Variants in VEPH1 observed in about 807,000 individuals in gnomAD.
VEPH1 encodes the protein ventricular zone expressed PH domain containing 1.
A neutral mutation model predicts 85.2 loss-of-function variants in VEPH1; 80 were observed. That is an observed-to-expected ratio of 0.94 (90% CI 0.78 to 1.13). VEPH1 has a LOEUF of 1.13. Among genes scored for constraint, VEPH1 ranks in the 50% most tolerant of loss-of-function variants. VEPH1 has a pLI of 0.00. For missense variants in VEPH1, 955 were observed against 980.5 expected (o/e 0.97, Z 0.35); for synonymous variants, 297 against 348.0 (o/e 0.85, Z 1.63).
At chr3:157,328,648 C>T (rs1007335529) in intron 9 of VEPH1, among the ~76,000 whole-genome samples, 1 of 152,128 alleles carries the variant, frequency 6.6e-6, no homozygotes, top group Non-Finnish European at 1.5e-5. Flanking sequence ...AGTCCTAGGA[C>T]TGTTAAGATA....
chr3:157,363,141 G>A (rs1726230469), intron 9 of VEPH1, among the ~76,000 whole-genome samples: 1 of 149,922 alleles, frequency 6.7e-6, no homozygotes, highest in Admixed American at 6.7e-5. Context: ...CAAAGAGTCA[G>A]TGGACTTATG....
chr3:157,347,130 CT>C (rs1296731725), intron 9 of VEPH1, among the ~76,000 whole-genome samples: 1 of 151,934 alleles, frequency 6.6e-6, no homozygotes, highest in Non-Finnish European at 1.5e-5. Context: ...CAAAGGATAT[CT>C]ATATTTGTCT....
rs76666485 is a variant in VEPH1, at chr3:157,445,056, C to T, written c.529+15125G>A. On this transcript the variant is annotated intron_variant, in intron 4 of 13. Transcript: ENST00000362010. ...AGCCATATAACTATGTTCTGACCAA[C>T]GCTGAAATATTATATGTGATTCTTT... Among the ~76,000 whole-genome samples, 184 of 152,224 alleles carry T rather than the reference C, an allele frequency of 1.2e-3. No homozygotes were observed. In the East Asian group the frequency reaches 0.026, roughly 22 times the overall value.
At chr3:157,483,664 T>A (rs1471341077) in intron 2 of VEPH1, among the ~76,000 whole-genome samples, 2 of 151,992 alleles carry the variant, frequency 1.3e-5, no homozygotes, top group East Asian at 3.9e-4. Flanking sequence ...CTTAATGGAT[T>A]GGAAGATAGA....
In VEPH1 at chr3:157,364,375, G is replaced by T. The variant is rs780388247; in HGVS notation, c.1265C>A (p.Thr422Asn). 1 of 1,613,922 alleles carries T rather than the reference G, an allele frequency of 6.2e-7. No homozygotes were observed. Among genetic ancestry groups the T allele is most frequent in the Non-Finnish European group, 8.5e-7 (1 of 1,179,908 alleles). The stretch of plus-strand genomic sequence containing the variant: ...ACTATATCTTCTGATAGAGCCAGGG[G>T]TATTGCTCCCTGCATTTATCTTGTC... ...FEDKINAGSN[T>N]PGSIRRYSLG... Residue 422 changes from threonine (T) to asparagine (N), a missense_variant, in exon 8 of 14, where the codon ACC becomes AAC. Thr to Asn is a moderately conservative substitution (Grantham distance 65, BLOSUM62 0). Transcript: ENST00000362010.
chr3:157,283,111 C>T (rs1315479697), intron 12 of VEPH1, among the ~76,000 whole-genome samples: 1 of 152,154 alleles, frequency 6.6e-6, no homozygotes, highest in Non-Finnish European at 1.5e-5. Flanking sequence ...AAGTAGATCA[C>T]TTCTAAAAAA....
At chr3:157,438,553 G>T (rs1321461224) in intron 4 of VEPH1, among the ~76,000 whole-genome samples, 1 of 152,140 alleles carries the variant, frequency 6.6e-6, no homozygotes. Context: ...AGGGGAGGTC[G>T]GAGGGTGTGC....
chr3:157,305,908 A>T (rs958335089), intron 11 of VEPH1, among the ~76,000 whole-genome samples: 5 of 152,204 alleles, frequency 3.3e-5, no homozygotes, highest in Non-Finnish European at 7.4e-5. Context: ...TCATGAACTT[A>T]TAGTAGTAGC....
chr3:157,418,576 T>C (rs2109059724), intron 5 of VEPH1, among the ~76,000 whole-genome samples: 1 of 152,278 alleles, frequency 6.6e-6, no homozygotes, highest in East Asian at 1.9e-4. Context: ...TAAATTCCCA[T>C]TCGCAATTGC....
intron 6 of VEPH1, among the ~76,000 whole-genome samples, chr3:157,390,304 G>A (rs1250168185): frequency 1.3e-5 from 2 of 152,188 alleles, no homozygotes; most frequent in Admixed American, 1.3e-4. Context: ...CAATCCCATA[G>A]AATGAGAATC....
At chr3:157,289,871 T>C (rs1717261477) in intron 11 of VEPH1, among the ~76,000 whole-genome samples, 1 of 152,212 alleles carries the variant, frequency 6.6e-6, no homozygotes, top group Admixed American at 6.5e-5. Context: ...TCTAATGGGA[T>C]TGTGGCAGAC....
intron 13 of VEPH1, 82 bp from the exon 14 acceptor site, chr3:157,261,452 G>C (rs1712889960): frequency 1.9e-6 from 3 of 1,553,414 alleles, no homozygotes; most frequent in Non-Finnish European, 2.6e-6. Flanking sequence ...CTTTCTAAGA[G>C]GGCCAGAATC....
chr3:157,503,539 A>G (rs894643), upstream of VEPH1: 125,165 of 152,238 alleles, frequency 0.82, 52,151 homozygotes, highest in East Asian at 1. Context: ...CTAACAATTG[A>G]CGCAAAGCTT....
At chr3:157,282,533 A>G (rs1716270292) in intron 12 of VEPH1, among the ~76,000 whole-genome samples, 1 of 151,876 alleles carries the variant, frequency 6.6e-6, no homozygotes. Flanking sequence ...TAAGAGACTA[A>G]TCACATGGGG....
At chr3:157,325,737 C>G (rs1333839866) in intron 9 of VEPH1, among the ~76,000 whole-genome samples, 1 of 152,184 alleles carries the variant, frequency 6.6e-6, no homozygotes, top group Non-Finnish European at 1.5e-5. Flanking sequence ...GTTTGGGTTA[C>G]TGTAGCCTTG....
At chr3:157,376,112 C>T (rs1254197441) in intron 7 of VEPH1, among the ~76,000 whole-genome samples, 2 of 152,068 alleles carry the variant, frequency 1.3e-5, no homozygotes, top group Non-Finnish European at 2.9e-5. Context: ...TTTTTGCCAT[C>T]ATCATCCTCT....
chr3:157,339,494 C>G (rs1379098331), intron 9 of VEPH1, among the ~76,000 whole-genome samples: 1 of 152,144 alleles, frequency 6.6e-6, no homozygotes, highest in South Asian at 2.1e-4. Context: ...GCACTGGGCC[C>G]TGCACTGGAC....
chr3:157,346,040 A>T (rs1488505618), intron 9 of VEPH1, among the ~76,000 whole-genome samples: 1 of 125,266 alleles, frequency 8.0e-6, no homozygotes, highest in Non-Finnish European at 1.7e-5. Context: ...GGGGTGGGGG[A>T]GGGGGGAGGG....
intron 11 of VEPH1, 83 bp from the exon 12 acceptor site, chr3:157,286,757 G>T: frequency 8.8e-7 from 1 of 1,132,786 alleles, no homozygotes; most frequent in Non-Finnish European, 1.3e-6. Context: ...AGGGGATGTG[G>T]ATCAGGATGG....
Sources: gnomAD v4.1 joint callset for allele counts (sites outside exome capture counted in the v4.1 genomes callset) on GRCh38, gnomAD v4.1.1 for gene constraint, MANE v1.5 for transcripts, NCBI Gene and HGNC (gene_info 2026-07-23, HGNC 2026-07-21) for gene names.